Variants in MGMT observed in about 807,000 individuals in gnomAD.
MGMT encodes methylated-DNA--protein-cysteine methyltransferase.
A neutral mutation model predicts 15.9 loss-of-function variants in MGMT; 14 were observed. The ratio of observed to expected loss-of-function variants is 0.88; its 90% CI spans 0.58 to 1.37. The LOEUF (loss-of-function observed/expected upper bound fraction) is 1.37. MGMT is among the 40% of genes most tolerant of loss of function. The pLI, the probability that MGMT is intolerant of heterozygous loss-of-function variation, is 0.00. For missense variants in MGMT, 282 were observed against 268.1 expected (o/e 1.05, Z -0.36); for synonymous variants, 130 against 118.2 (o/e 1.10, Z -0.65).
At chr10:129,687,136 T>A (rs879674437) in intron 2 of MGMT, among the ~76,000 whole-genome samples, 8 of 149,348 alleles carry the variant, frequency 5.4e-5, no homozygotes, top group South Asian at 2.1e-4. Flanking sequence ...ACAACGTTTT[T>A]ATTTTTTTAT....
At chr10:129,538,357 C>T (rs1230521049) in intron 2 of MGMT, among the ~76,000 whole-genome samples, 1 of 152,130 alleles carries the variant, frequency 6.6e-6, no homozygotes. Context: ...TGTGGAATTG[C>T]TGGGCTGGAT....
Position 129,596,126 on chromosome 10 carries a change from A to G in MGMT, c.125+59749A>G, listed in dbSNP as rs914386987. 1.3e-4 allele frequency among the ~76,000 whole-genome samples: 20 copies of G among 148,386 alleles called. 1 individual carries two copies. The East Asian group carries it at 3.4e-3, about 25-fold the overall frequency. ...CCCCTCCCTGCCCCAGGGTATCGGT[A>G]GCATGTGTCCTAATTAAATTTTGAC... On this transcript the variant is annotated intron_variant, in intron 2 of 4. Transcript: ENST00000651593.
intron 3 of MGMT, among the ~76,000 whole-genome samples, chr10:129,730,028 T>C (rs1231256133): frequency 6.6e-6 from 1 of 152,156 alleles, no homozygotes; most frequent in Non-Finnish European, 1.5e-5. Flanking sequence ...ATTTTTAGCC[T>C]TGTAGAAGCA....
At chr10:129,524,759 T>C (rs1298201974) in intron 1 of MGMT, among the ~76,000 whole-genome samples, 1 of 151,842 alleles carries the variant, frequency 6.6e-6, no homozygotes, top group Non-Finnish European at 1.5e-5. Flanking sequence ...GCCCGGCTTA[T>C]TTTTTTATTT....
At chr10:129,633,823 G>A (rs1294940026) in intron 2 of MGMT, among the ~76,000 whole-genome samples, 3 of 152,176 alleles carry the variant, frequency 2.0e-5, no homozygotes, top group Admixed American at 2.0e-4. Flanking sequence ...CTTAAATATT[G>A]TCTGTAAAGA....
At chr10:129,670,124 A>G (rs143817494) in intron 2 of MGMT, among the ~76,000 whole-genome samples, 46 of 146,900 alleles carry the variant, frequency 3.1e-4, no homozygotes, top group African/African-American at 1.0e-3. Context: ...GTGAGCATCA[A>G]TGAAGTACAC....
At chr10:129,486,901 C>G (rs961358096) in intron 1 of MGMT, among the ~76,000 whole-genome samples, 2 of 152,202 alleles carry the variant, frequency 1.3e-5, no homozygotes, top group African/African-American at 4.8e-5. Flanking sequence ...ACAACACTGT[C>G]ATTAATGCCT....
chr10:129,678,749 C>G (rs530830436), intron 2 of MGMT, among the ~76,000 whole-genome samples: 9 of 152,006 alleles, frequency 5.9e-5, no homozygotes, highest in African/African-American at 2.2e-4. Context: ...TAGACTTGGT[C>G]CAGTGCATGT....
chr10:129,553,575 A>G (rs890632936), intron 2 of MGMT, among the ~76,000 whole-genome samples: 1 of 152,208 alleles, frequency 6.6e-6, no homozygotes, highest in Non-Finnish European at 1.5e-5. Context: ...GCAAACGCTG[A>G]TGGAGCTTTC....
intron 3 of MGMT, among the ~76,000 whole-genome samples, chr10:129,728,222 T>G (rs1564776213): frequency 6.6e-6 from 1 of 152,298 alleles, no homozygotes; most frequent in East Asian, 1.9e-4. Context: ...GGGATTCATT[T>G]TGGCATAGAG....
At chr10:129,648,219 C>T (rs1318253250) in intron 2 of MGMT, among the ~76,000 whole-genome samples, 2 of 152,062 alleles carry the variant, frequency 1.3e-5, no homozygotes, top group East Asian at 1.9e-4. Context: ...TCTTGCACCG[C>T]GAACTCCAGT....
intron 2 of MGMT, among the ~76,000 whole-genome samples, chr10:129,627,011 T>C (rs1847157405): frequency 1.3e-5 from 2 of 152,114 alleles, no homozygotes; most frequent in African/African-American, 4.8e-5. Flanking sequence ...CGGAGGCAGC[T>C]GCCACCCGCC....
At chr10:129,467,578 G>A in intron 1 of MGMT, 1 of 324,938 alleles carries the variant, frequency 3.1e-6, no homozygotes, top group Non-Finnish European at 4.4e-6. Flanking sequence ...CTAGGTGCCA[G>A]CCCCAGGCCC....
chr10:129,694,287 T>G (rs1398253501), intron 2 of MGMT: 4 of 152,270 alleles, frequency 2.6e-5, no homozygotes, highest in African/African-American at 9.6e-5. Flanking sequence ...TGCCGGGGCT[T>G]CTTCCTTGTC....
intron 2 of MGMT, among the ~76,000 whole-genome samples, chr10:129,598,603 G>A (rs895056985): frequency 1.6e-4 from 25 of 152,326 alleles, no homozygotes; most frequent in South Asian, 1.0e-3. Context: ...TGTGCTGCCC[G>A]ATTACTAAGC....
At chr10:129,686,847 G>A (rs1847909809) in intron 2 of MGMT, among the ~76,000 whole-genome samples, 1 of 152,208 alleles carries the variant, frequency 6.6e-6, no homozygotes, top group East Asian at 1.9e-4. Flanking sequence ...GAACGTGCTT[G>A]CCCTGGGCCT....
At chr10:129,536,465 G>A (rs1364661125) in intron 2 of MGMT, 88 bp downstream of exon 2, 6 of 1,496,884 alleles carry the variant, frequency 4.0e-6, no homozygotes, top group East Asian at 4.7e-5. Flanking sequence ...TCCATTGATG[G>A]CAGGGTAACG....
chr10:129,489,032 T>G (rs1477683324), intron 1 of MGMT, among the ~76,000 whole-genome samples: 1 of 152,118 alleles, frequency 6.6e-6, no homozygotes, highest in Non-Finnish European at 1.5e-5. Context: ...AACGCCACAA[T>G]GCATTAATTA....
At chr10:129,553,379 C>G (rs1846179700) in intron 2 of MGMT, among the ~76,000 whole-genome samples, 1 of 152,178 alleles carries the variant, frequency 6.6e-6, no homozygotes, top group Admixed American at 6.5e-5. Flanking sequence ...GACTTAGGAG[C>G]AGGCAGAATT....
Sources: allele counts gnomAD v4.1 joint callset (sites outside exome capture counted in the v4.1 genomes callset), GRCh38; gene constraint gnomAD v4.1.1; transcripts MANE v1.5; gene names NCBI Gene and HGNC (gene_info 2026-07-23, HGNC 2026-07-21).